Variants in RPS6KA2 observed in about 807,000 individuals in gnomAD.
RPS6KA2 encodes the protein ribosomal protein S6 kinase alpha-2.
Under a neutral mutation model 91.8 loss-of-function variants are expected in RPS6KA2, and 42 were observed. The ratio of observed to expected loss-of-function variants is 0.46; its 90% CI spans 0.36 to 0.59. RPS6KA2 has a LOEUF of 0.59. Among genes scored for constraint, RPS6KA2 ranks in the 20% least tolerant of loss-of-function variants. RPS6KA2 has a pLI of 0.00. For synonymous variants in RPS6KA2, 414 were observed against 393.6 expected (o/e 1.05, Z -0.61); for missense variants, 798 against 978.5 (o/e 0.82, Z 2.46).
intron 2 of RPS6KA2, chr6:166,702,728 C>A: frequency 8.0e-7 from 1 of 1,257,250 alleles, no homozygotes; most frequent in Non-Finnish European, 1.2e-6. Flanking sequence ...AACGCGTAGC[C>A]AATCTTCACC....
chr6:166,685,969 C>T (rs1338513434), intron 2 of RPS6KA2, among the ~76,000 whole-genome samples: 2 of 152,170 alleles, frequency 1.3e-5, no homozygotes, highest in African/African-American at 4.8e-5. Context: ...AGAGGGCGAA[C>T]GAAGGGGCTG....
At chr6:166,482,508 G>T (rs1181414093) in intron 10 of RPS6KA2, among the ~76,000 whole-genome samples, 2 of 152,212 alleles carry the variant, frequency 1.3e-5, no homozygotes, top group Non-Finnish European at 2.9e-5. Context: ...TCCGAGGAAA[G>T]AAATAGTTTT....
chr6:166,806,060 T>C (rs1779485978), intron 2 of RPS6KA2, among the ~76,000 whole-genome samples: 1 of 152,078 alleles, frequency 6.6e-6, no homozygotes, highest in Non-Finnish European at 1.5e-5. Context: ...AAATGGAAAT[T>C]AGTCATTCTG....
chr6:166,679,453 G>A (rs955161747), intron 2 of RPS6KA2, among the ~76,000 whole-genome samples: 5 of 152,096 alleles, frequency 3.3e-5, no homozygotes. Flanking sequence ...AACAGAGTGA[G>A]ACTCCATCTC....
At chr6:166,501,009 G>A (rs1782008375) in intron 6 of RPS6KA2, 85 bp from the exon 7 acceptor site, 1 of 1,275,412 alleles carries the variant, frequency 7.8e-7, no homozygotes, top group African/African-American at 1.5e-5. Context: ...AGAGCTGCGG[G>A]GCAGCTGGGG....
intron 1 of RPS6KA2, among the ~76,000 whole-genome samples, chr6:166,580,101 G>A (rs1390180350): frequency 1.3e-5 from 2 of 152,172 alleles, no homozygotes; most frequent in Admixed American, 1.3e-4. Flanking sequence ...TTGGGCCCCC[G>A]GGCCTGCCCC....
At chr6:166,492,471 A>G (rs1781625713) in intron 8 of RPS6KA2, among the ~76,000 whole-genome samples, 1 of 152,214 alleles carries the variant, frequency 6.6e-6, no homozygotes, top group Non-Finnish European at 1.5e-5. Flanking sequence ...ATAGAATGGT[A>G]TTAGCAAAGG....
chr6:166,617,489 C>G (rs1209375257), intron 1 of RPS6KA2, among the ~76,000 whole-genome samples: 3 of 152,134 alleles, frequency 2.0e-5, no homozygotes, highest in African/African-American at 7.2e-5. Context: ...CAAGGCCAAA[C>G]AGTAGTTAGT....
chr6:166,432,577 G>T, intron 14 of RPS6KA2, 87 bp from the exon 15 acceptor site: 1 of 796,136 alleles, frequency 1.3e-6, no homozygotes, highest in Non-Finnish European at 2.1e-6. Flanking sequence ...TTTGGATAAA[G>T]TCTGGCCCCA....
chr6:166,687,758 C>A (rs1045847258), intron 2 of RPS6KA2, among the ~76,000 whole-genome samples: 1 of 152,230 alleles, frequency 6.6e-6, no homozygotes, highest in Non-Finnish European at 1.5e-5. Context: ...CGCAGCATTG[C>A]GTCGGCGGCT....
Position 166,557,975 on chromosome 6 carries a change from G to GGT in RPS6KA2, c.100-19193_100-19192dup, listed in dbSNP as rs59606557. On this transcript the variant is annotated intron_variant, in intron 1 of 20. Transcript: ENST00000265678. This position sits in a 1 kb window ranked among gnomAD's most constrained non-coding sequence, Gnocchi z 4.8. ...AGAGATGTATATGTATATACAGAGG[G>GGT]GTGTGTGTGTGTGTGTATATATGTA... is the stretch of plus-strand genomic sequence containing the variant. Among the ~76,000 whole-genome samples the GGT allele has an allele frequency of 0.079, 11,895 of 150,990 alleles. 698 individuals carry two copies. The highest frequency in any genetic ancestry group is 0.25 in the East Asian group (1,282 of 5,140).
intron 2 of RPS6KA2, among the ~76,000 whole-genome samples, chr6:166,640,257 C>T (rs925907173): frequency 6.6e-5 from 10 of 151,920 alleles, no homozygotes; most frequent in Non-Finnish European, 1.3e-4. Flanking sequence ...TTCTCAAGAT[C>T]TGGCATGGGT....
Position 166,793,535 on chromosome 6 carries a change from C to T in RPS6KA2, c.123+64665G>A, listed in dbSNP as rs866116204. Among the ~76,000 whole-genome samples the T allele has an allele frequency of 4.0e-3, 596 of 148,008 alleles. 9 individuals carry two copies. Among genetic ancestry groups the T allele is most frequent in the Middle Eastern group, 6.9e-3 (2 of 290 alleles). On this transcript the variant is annotated intron_variant, in intron 2 of 21. Transcript: ENST00000503859. ...GTTCATATGGAACCAAAAAAGAGCC[C>T]GCATCGCCAAGTCAATCCTAAGCCA...
At chr6:166,608,847 G>A (rs1786050672) in intron 1 of RPS6KA2, among the ~76,000 whole-genome samples, 1 of 152,050 alleles carries the variant, frequency 6.6e-6, no homozygotes, top group South Asian at 2.1e-4. Flanking sequence ...TAGGCCCAAA[G>A]TCATGTTTAT....
chr6:166,702,759 G>C lies in RPS6KA2; in HGVS notation c.123+155441C>G, dbSNP rs1472571550. Reference sequence around the variant, plus strand: ...TCACCAGGAAGGGTCCCGACACGGGGATCTTGGCGTCCTTCAAGATACCTT... The same window carrying C: ...TCACCAGGAAGGGTCCCGACACGGGCATCTTGGCGTCCTTCAAGATACCTT... On this transcript the variant is annotated intron_variant, in intron 2 of 21. Coordinates refer to the RPS6KA2 transcript ENST00000503859. The C allele has an allele frequency of 4.9e-6, 6 of 1,218,158 alleles. No individual in the cohort carries two copies. In the East Asian group the frequency reaches 1.4e-4, roughly 28 times the overall value. The allele number at this position is 1,218,158 out of a possible 1,614,324, so 75.5% of individuals were successfully genotyped here.
At chr6:166,513,604 C>T (rs1304414454) in intron 3 of RPS6KA2, among the ~76,000 whole-genome samples, 5 of 152,168 alleles carry the variant, frequency 3.3e-5, no homozygotes, top group Admixed American at 1.3e-4. Flanking sequence ...GCCTGGCGTA[C>T]GTCCCAGCCA....
intron 2 of RPS6KA2, among the ~76,000 whole-genome samples, chr6:166,642,317 C>T (rs1168034342): frequency 1.3e-5 from 2 of 152,104 alleles, no homozygotes; most frequent in African/African-American, 2.4e-5. Flanking sequence ...AAATCTTTCA[C>T]AAACAAGGAC....
chr6:166,477,590 C>T (rs1209445290), intron 10 of RPS6KA2, among the ~76,000 whole-genome samples: 3 of 152,348 alleles, frequency 2.0e-5, no homozygotes, highest in Non-Finnish European at 4.4e-5. Context: ...AGCAAATCCT[C>T]TCCCAGCAAT....
At chr6:166,858,082 A>G in intron 2 of RPS6KA2, 1 of 746,628 alleles carries the variant, frequency 1.3e-6, no homozygotes, top group East Asian at 2.5e-5. Flanking sequence ...AGAGACACAT[A>G]TGTCACTAAA....
Sources: allele counts gnomAD v4.1 joint callset (sites outside exome capture counted in the v4.1 genomes callset), GRCh38; gene constraint gnomAD v4.1.1; non-coding constraint Gnocchi (gnomAD v3.1); transcripts MANE v1.5; gene names NCBI Gene and HGNC (gene_info 2026-07-23, HGNC 2026-07-21).